The following IRF4 variants were observed in gnomAD, a reference collection of about 807,000 sequenced individuals.
IRF4 encodes the protein interferon regulatory factor 4.
IRF4 carries 13 observed loss-of-function variants against 55.5 expected under a neutral mutation model. The ratio of observed to expected loss-of-function variants is 0.23; its 90% CI spans 0.15 to 0.37. The LOEUF is 0.37. Among genes scored for constraint, IRF4 ranks in the 10% least tolerant of loss-of-function variants. The probability of loss-of-function intolerance (pLI) is 1.00; values close to 1 mark genes in which losing one functional copy is unlikely to be tolerated. For missense variants in IRF4, 397 were observed against 593.8 expected (o/e 0.67, Z 3.44); for synonymous variants, 249 against 240.7 (o/e 1.03, Z -0.32).
chr6:392,580 A>C (rs1280871005), intron 1 of IRF4, among the ~76,000 whole-genome samples: 1 of 152,238 alleles, frequency 6.6e-6, no homozygotes, highest in African/African-American at 2.4e-5. Flanking sequence ...GGATGCGAGC[A>C]GAGAAAGCGG....
In IRF4 at chr6:405,098, C is replaced by A. The variant is rs201428294; in HGVS notation, c.1180C>A (p.Pro394Thr). 6.2e-7 allele frequency: 1 copy of A among 1,612,930 alleles called. No homozygotes were observed. Among genetic ancestry groups the A allele is most frequent in the East Asian group, 2.2e-5 (1 of 44,872 alleles). ...ATGCTTTGGAGAGGAGTTTCCAGAC[C>A]CTCAGAGGCAAAGAAAGCTCATCAC... is the stretch of plus-strand genomic sequence containing the variant. ...TLCFGEEFPD[P>T]QRQRKLITAH... The change falls in exon 8 of 9, where the codon CCT becomes ACT. Residue 394 changes from proline (P) to threonine (T), a missense_variant. Pro to Thr is a conservative substitution (Grantham distance 38). Transcript: ENST00000380956.
intron 3 of IRF4, among the ~76,000 whole-genome samples, chr6:395,245 G>T (rs1022110680): frequency 6.6e-6 from 1 of 150,984 alleles, no homozygotes; most frequent in African/African-American, 2.5e-5. Context: ...ATATGGGGGG[G>T]GGTGCATTGA....
intron 8 of IRF4, chr6:406,665 C>T (rs968192871): frequency 8.4e-6 from 3 of 358,240 alleles, no homozygotes; most frequent in African/African-American, 6.7e-5. Flanking sequence ...CAGATGACCC[C>T]CTCATGCTGA....
intron 1 of IRF4, 125 bp from the exon 2 acceptor site, chr6:392,973 C>A (rs368628417): frequency 2.6e-5 from 15 of 574,726 alleles, no homozygotes; most frequent in African/African-American, 2.4e-4. Context: ...ACGACCCTGA[C>A]ACGGCACGCG....
At position 398,742 on chromosome 6, in the gene IRF4, C is replaced by T. The variant is rs1761328514; in HGVS notation, c.638-86C>T. The T allele has an allele frequency of 3.3e-6, 3 of 910,998 alleles. No individual in the cohort carries two copies. In the East Asian group the frequency reaches 8.0e-5, roughly 24 times the overall value. 56.4% of individuals were successfully genotyped at this position (910,998 alleles called of 1,614,324 possible). ...GATTGGGCGCCAGCCCCTTCCTTCC[C>T]AGGCTTCACACACACACCCCAGGAA... On this transcript the variant is annotated intron_variant, in intron 5 of 8. Transcript: ENST00000380956.
Position 410,996 on chromosome 6 carries a change from GTT to G in IRF4, c.*3406_*3407del, listed in dbSNP as rs3842113. 37 of 230,410 alleles carry G rather than the reference GTT, an allele frequency of 1.6e-4. No homozygotes were observed. In the South Asian group the frequency reaches 5.1e-3, roughly 32 times the overall value. The allele number at this position is 230,410 out of a possible 1,614,324, so 14.3% of individuals were successfully genotyped here. On this transcript the variant is annotated 3_prime_UTR_variant, in exon 9 of 9. Coordinates refer to ENST00000380956, the MANE Select transcript of IRF4 (RefSeq NM_002460.4). ...TGTTACAGGAATGAAGTAAAGGTCA[GTT>G]TTTTTTTGTATTGATTTTCACAGCT...
intron 7 of IRF4, among the ~76,000 whole-genome samples, chr6:402,027 C>A (rs901665504): frequency 1.3e-5 from 2 of 152,192 alleles, no homozygotes; most frequent in African/African-American, 4.8e-5. Context: ...TTTCAGCAGT[C>A]GCCTCTTAAA....
rs190519428 is a variant in IRF4, at chr6:393,418, C to T, written c.216+50C>T. ...GGGCGCGCCGGGGAGGGCCCAGAGA[C>T]AGAGCCCGGGGTCCCCGGCGCCGCC... On this transcript the variant is annotated intron_variant, in intron 2 of 8. Transcript: ENST00000380956. The surrounding 1 kb of genome is among the most constrained non-coding windows in gnomAD (Gnocchi z 5.4). The T allele has an allele frequency of 1.1e-3, 1,502 of 1,361,666 alleles. 9 individuals carry two copies. The African/African-American group carries it at 0.02, about 18-fold the overall frequency. The allele number at this position is 1,361,666 out of a possible 1,614,324, so 84.3% of individuals were successfully genotyped here. A position where few individuals can be genotyped will look rare whatever the true frequency, so the allele number is the denominator to read the frequency against.
intron 6 of IRF4, among the ~76,000 whole-genome samples, chr6:399,588 A>G (rs752064453): frequency 1.3e-5 from 2 of 151,784 alleles, no homozygotes; most frequent in Non-Finnish European, 2.9e-5. Context: ...CACGTGCTAT[A>G]TGTATATTTA....
At chr6:401,354 C>T (rs1445515221) in intron 6 of IRF4, 70 bp from the exon 7 acceptor site, 83 of 1,191,704 alleles carry the variant, frequency 7.0e-5, no homozygotes, top group Non-Finnish European at 9.3e-5. Flanking sequence ...GTGCTTGGCT[C>T]TGTGGAGTCG....
In IRF4 at chr6:409,379, A is replaced by T. The variant is rs867480247; in HGVS notation, c.*1781A>T. 1.1e-3 allele frequency: 226 copies of T among 200,128 alleles called. No individual in the cohort carries two copies. Among genetic ancestry groups the T allele is most frequent in the African/African-American group, 4.7e-3 (205 of 43,498 alleles). 12.4% of individuals were successfully genotyped at this position (200,128 alleles called of 1,614,324 possible). On this transcript the variant is annotated 3_prime_UTR_variant, in exon 9 of 9. Transcript: ENST00000380956. ...CCCAGCCCAAATTCTCCTCTCTAAAAGTGTCCACAAGAAGGGGTGTTTATT... is the reference window on the plus strand; with the variant it reads ...CCCAGCCCAAATTCTCCTCTCTAAATGTGTCCACAAGAAGGGGTGTTTATT...
chr6:402,459 AC>A (rs1761429168), intron 7 of IRF4, among the ~76,000 whole-genome samples: 1 of 138,592 alleles, frequency 7.2e-6, no homozygotes, highest in Non-Finnish European at 1.6e-5. Context: ...GAGCTGCTCT[AC>A]CCGCCACTCG....
Position 411,427 on chromosome 6 carries a change from C to A in IRF4, c.*3829C>A, listed in dbSNP as rs1464996140. Reference sequence around the variant, plus strand: ...ATTTATGTTTTTAGGTAAATAAAAACTTTTAAAAATTTGTTATGGAATGTG... The same window carrying A: ...ATTTATGTTTTTAGGTAAATAAAAAATTTTAAAAATTTGTTATGGAATGTG... On this transcript the variant is annotated 3_prime_UTR_variant, in exon 9 of 9. Coordinates refer to ENST00000380956, the MANE Select transcript of IRF4 (RefSeq NM_002460.4). 1 of 188,280 alleles carries A rather than the reference C, an allele frequency of 5.3e-6. No individual in the cohort carries two copies. Among genetic ancestry groups the A allele is most frequent in the East Asian group, 8.3e-5 (1 of 12,056 alleles). The allele number at this position is 188,280 out of a possible 1,614,324, so 11.7% of individuals were successfully genotyped here. A position where few individuals can be genotyped will look rare whatever the true frequency, so the allele number is the denominator to read the frequency against.
Position 407,582 on chromosome 6 carries a change from C to T in IRF4, c.1340C>T (p.Ser447Phe), listed in dbSNP as rs749474191. 1 of 1,604,458 alleles carries T rather than the reference C, an allele frequency of 6.2e-7. No homozygotes were observed. The highest frequency in any genetic ancestry group is 1.3e-5 in the African/African-American group (1 of 74,110). The part of the protein sequence containing the change: ...PEDYHRSIRH[S>F]SIQE ...GATTACCACAGATCTATCCGCCATT[C>T]CTCTATTCAAGAATGAAAAATGTCA... The change falls in exon 9 of 9, where the codon TCC (serine) becomes TTC (phenylalanine). Residue 447 changes from serine to phenylalanine, a missense_variant. By Grantham distance (155) the Ser-to-Phe change is radical. Around this residue, in one of 3 missense-constraint regions of IRF4, gnomAD observed 22 missense variants for 16.3 expected, o/e 1.35. Transcript: ENST00000380956.
chr6:402,695 T>C (rs1350093850), intron 7 of IRF4, among the ~76,000 whole-genome samples: 1 of 152,238 alleles, frequency 6.6e-6, no homozygotes, highest in Non-Finnish European at 1.5e-5. Context: ...TGTAAGCTCA[T>C]CCAGATTTTC....
At chr6:402,710 G>A (rs2127440798) in intron 7 of IRF4, among the ~76,000 whole-genome samples, 1 of 152,286 alleles carries the variant, frequency 6.6e-6, no homozygotes, top group East Asian at 1.9e-4. Flanking sequence ...ATTTTCTTTT[G>A]GTGCCCAAAG....
At chr6:404,093 G>A (rs570386923) in intron 7 of IRF4, among the ~76,000 whole-genome samples, 3 of 152,188 alleles carry the variant, frequency 2.0e-5, no homozygotes, top group Admixed American at 1.3e-4. Flanking sequence ...CCCAGGGCCC[G>A]GCCCGAGGGT....
chr6:403,260 G>A (rs1299677630), intron 7 of IRF4, among the ~76,000 whole-genome samples: 1 of 152,250 alleles, frequency 6.6e-6, no homozygotes, highest in Non-Finnish European at 1.5e-5. Context: ...GGGCAACTGG[G>A]GGGACCCCCC....
chr6:404,098 G>A (rs538724495), intron 7 of IRF4, among the ~76,000 whole-genome samples: 38 of 152,326 alleles, frequency 2.5e-4, no homozygotes, highest in Admixed American at 2.2e-3. Flanking sequence ...GGCCCGGCCC[G>A]AGGGTGTGTA....
Sources: gnomAD v4.1 joint callset for allele counts (sites outside exome capture counted in the v4.1 genomes callset) on GRCh38, gnomAD v4.1.1 for gene constraint, gnomAD v4.1.1 regional missense constraint, Gnocchi (gnomAD v3.1) non-coding constraint, MANE v1.5 for transcripts, NCBI Gene and HGNC (gene_info 2026-07-23, HGNC 2026-07-21) for gene names.